Variants in APOBEC2 observed in about 807,000 individuals in gnomAD.
APOBEC2 encodes C->U-editing enzyme APOBEC-2.
Under a neutral mutation model 19.4 loss-of-function variants are expected in APOBEC2, and 14 were observed. The ratio of observed to expected loss-of-function variants is 0.72; its 90% CI spans 0.48 to 1.13. APOBEC2 has a LOEUF of 1.13. Ranked by LOEUF, APOBEC2 falls within the 50% of genes most tolerant of loss-of-function variation. APOBEC2 has a pLI of 0.00. For missense variants in APOBEC2, 304 were observed against 277.0 expected, an observed-to-expected ratio of 1.10 and a Z score of -0.69; for synonymous variants, 127 against 112.1, an observed-to-expected ratio of 1.13 and a Z score of -0.84.
intron 1 of APOBEC2, among the ~76,000 whole-genome samples, chr6:41,059,831 A>G (rs975799208): frequency 1.3e-5 from 2 of 152,232 alleles, no homozygotes; most frequent in African/African-American, 4.8e-5. Flanking sequence ...CCTGCAGCCC[A>G]GGGAGTCTGT....
Position 41,061,338 on chromosome 6 carries a change from C to T in APOBEC2, c.142C>T (p.Pro48Ser), listed in dbSNP as rs747788087. ...CTCCTTGACCTACAGAGAACGGCTG[C>T]CTGCCAACTTCTTTAAATTCCAGTT... ...PFEIVTGERL[P>S]ANFFKFQFRN... The change falls in exon 2 of 3, where the codon CCT becomes TCT. Residue 48 changes from proline (P) to serine (S), a missense_variant. Coordinates refer to ENST00000244669, the MANE Select transcript of APOBEC2 (RefSeq NM_006789.4). 1 of 1,527,070 alleles carries T rather than the reference C, an allele frequency of 6.5e-7. No homozygotes were observed. The highest frequency in any genetic ancestry group is 8.8e-7 in the Non-Finnish European group (1 of 1,138,564). 94.6% of individuals were successfully genotyped at this position (1,527,070 alleles called of 1,614,324 possible).
intron 1 of APOBEC2, among the ~76,000 whole-genome samples, chr6:41,055,786 C>T (rs980809118): frequency 6.6e-6 from 1 of 152,192 alleles, no homozygotes; most frequent in African/African-American, 2.4e-5. Context: ...GGAAAAGGGC[C>T]TAAGCCTGCC....
chr6:41,053,506 T>A (rs776941419), intron 1 of APOBEC2, 28 bp downstream of exon 1: 1 of 1,613,902 alleles, frequency 6.2e-7, no homozygotes, highest in East Asian at 2.2e-5. Flanking sequence ...GTCAGGGTTC[T>A]GCTCCCTAGA....
At chr6:41,057,111 C>A (rs1021741656) in intron 1 of APOBEC2, among the ~76,000 whole-genome samples, 8 of 152,158 alleles carry the variant, frequency 5.3e-5, no homozygotes, top group African/African-American at 1.9e-4. Flanking sequence ...TATTATGGAA[C>A]AAAGATAAAT....
chr6:41,054,921 CTA>C (rs573596317), intron 1 of APOBEC2, among the ~76,000 whole-genome samples: 41 of 152,216 alleles, frequency 2.7e-4, no homozygotes, highest in Non-Finnish European at 5.3e-4. Flanking sequence ...CAGAATTAGA[CTA>C]TGTTTGTTCA....
At chr6:41,053,572 G>A in intron 1 of APOBEC2, 94 bp downstream of exon 1, 4 of 1,559,144 alleles carry the variant, frequency 2.6e-6, no homozygotes, top group Non-Finnish European at 3.5e-6. Flanking sequence ...TTAGGCGTCA[G>A]GGACAGCTAC....
At chr6:41,062,476 A>C (rs1358373205) in intron 2 of APOBEC2, among the ~76,000 whole-genome samples, 1 of 152,232 alleles carries the variant, frequency 6.6e-6, no homozygotes, top group Non-Finnish European at 1.5e-5. Flanking sequence ...CTACACTTTG[A>C]AGGAGACCAA....
At chr6:41,058,705 C>T (rs950370680) in intron 1 of APOBEC2, among the ~76,000 whole-genome samples, 1 of 152,136 alleles carries the variant, frequency 6.6e-6, no homozygotes, top group Non-Finnish European at 1.5e-5. Context: ...CCTGGTTTCC[C>T]CCCAGGACGT....
intron 1 of APOBEC2, among the ~76,000 whole-genome samples, chr6:41,059,676 A>G (rs1044918822): frequency 2.0e-5 from 3 of 152,206 alleles, no homozygotes; most frequent in Non-Finnish European, 4.4e-5. Context: ...ACCTGACAGC[A>G]CGGGACATGG....
chr6:41,057,592 G>A (rs1010431485), intron 1 of APOBEC2, among the ~76,000 whole-genome samples: 1 of 152,138 alleles, frequency 6.6e-6, no homozygotes, highest in African/African-American at 2.4e-5. Context: ...TGAGAAAGCA[G>A]AAGGCCAATG....
At chr6:41,055,538 G>C (rs1444384593) in intron 1 of APOBEC2, among the ~76,000 whole-genome samples, 2 of 152,132 alleles carry the variant, frequency 1.3e-5, no homozygotes, top group Non-Finnish European at 2.9e-5. Flanking sequence ...TGGAGTCAAG[G>C]GGGTCAGCAA....
chr6:41,058,817 T>C (rs1478625697), intron 1 of APOBEC2, among the ~76,000 whole-genome samples: 5 of 152,202 alleles, frequency 3.3e-5, no homozygotes, highest in Non-Finnish European at 7.3e-5. Context: ...GTTTAGTCTC[T>C]GAGCAAGCCC....
rs780079400 is a variant in APOBEC2 at position 41,061,874 on chromosome 6, C to T, written c.*3C>T. On this transcript the variant is annotated 3_prime_UTR_variant, in exon 2 of 3. Transcript: ENST00000244669. ...AGTTGGCAGACATCCTGAAGTAGGG[C>T]AACTGGGCTTTGCCTCACGTGAGTT... 2 of 1,610,144 alleles carry T rather than the reference C, an allele frequency of 1.2e-6. No homozygotes were observed. The highest frequency in any genetic ancestry group is 1.3e-5 in the African/African-American group (1 of 74,928).
chr6:41,056,463 A>G (rs913695036), intron 1 of APOBEC2, among the ~76,000 whole-genome samples: 2 of 152,200 alleles, frequency 1.3e-5, no homozygotes, highest in African/African-American at 4.8e-5. Flanking sequence ...TAGAAGTTAG[A>G]TTACTCACTC....
chr6:41,055,971 A>C (rs1762789713), intron 1 of APOBEC2, among the ~76,000 whole-genome samples: 1 of 152,192 alleles, frequency 6.6e-6, no homozygotes. Flanking sequence ...TGTTACACTT[A>C]TCAGCACACC....
chr6:41,063,534 CT>C (rs34638825), intron 2 of APOBEC2, among the ~76,000 whole-genome samples: 12,728 of 84,794 alleles, frequency 0.15, 492 homozygotes, highest in Middle Eastern at 0.28. Context: ...GTCCTTAGAG[CT>C]TTTTTTTTTT....
chr6:41,059,904 G>C (rs183819938), intron 1 of APOBEC2, among the ~76,000 whole-genome samples: 1 of 152,296 alleles, frequency 6.6e-6, no homozygotes. Flanking sequence ...GGTGCCATAG[G>C]TATCTCTTGG....
rs774303885 is a variant in APOBEC2 at position 41,061,438 on chromosome 6, G to C, written c.242G>C (p.Gly81Ala). The C allele has an allele frequency of 5.0e-6, 8 of 1,613,108 alleles. No individual in the cohort carries two copies. The highest frequency in any genetic ancestry group is 3.3e-4 in the Middle Eastern group (2 of 6,056). Residue 81 changes from glycine to alanine, a missense_variant, in exon 2 of 3, where the codon GGC becomes GCC. Gly to Ala is a moderately conservative substitution (Grantham distance 60). Coordinates refer to ENST00000244669, the MANE Select transcript of APOBEC2 (RefSeq NM_006789.4). ...GTGGTTGAAGCACAGGGCAAGGGGG[G>C]CCAAGTGCAGGCATCTCGGGGATAC... is the stretch of plus-strand genomic sequence containing the variant. The part of the protein sequence containing the change: ...CYVVEAQGKG[G>A]QVQASRGYLE...
chr6:41,057,431 A>C (rs1476580710), intron 1 of APOBEC2, among the ~76,000 whole-genome samples: 1 of 152,200 alleles, frequency 6.6e-6, no homozygotes, highest in Non-Finnish European at 1.5e-5. Flanking sequence ...AGGCAAGTTC[A>C]GGGTTTCCCT....
Sources: gnomAD v4.1 joint callset for allele counts (sites outside exome capture counted in the v4.1 genomes callset) on GRCh38, gnomAD v4.1.1 for gene constraint, MANE v1.5 for transcripts, NCBI Gene and HGNC (gene_info 2026-07-23, HGNC 2026-07-21) for gene names.